The following KLHDC1 variants were observed in gnomAD, a reference collection of about 807,000 sequenced individuals.
KLHDC1 encodes the protein kelch domain containing 1.
Under a neutral mutation model 68.3 loss-of-function variants are expected in KLHDC1, and 53 were observed. The ratio of observed to expected loss-of-function variants is 0.78; its 90% CI spans 0.62 to 0.98. The LOEUF (loss-of-function observed/expected upper bound fraction) is 0.98. Ranked by LOEUF, KLHDC1 falls within the 50% of genes least tolerant of loss-of-function variation. The pLI, the probability that KLHDC1 is intolerant of heterozygous loss-of-function variation, is 0.00. For synonymous variants in KLHDC1, 148 were observed against 159.0 expected (o/e 0.93, Z 0.52); for missense variants, 470 against 492.3 (o/e 0.95, Z 0.43).
At position 49,713,811 on chromosome 14, in the gene KLHDC1, TATATATATATATATATATATATATATATA is replaced by T. The variant is rs1239174286; in HGVS notation, c.404+3431_404+3459del. Among the ~76,000 whole-genome samples the T allele has an allele frequency of 4.5e-3, 17 of 3,766 alleles. 2 individuals are homozygous for T. Among genetic ancestry groups the T allele is most frequent in the East Asian group, 0.038 (1 of 26 alleles). 2.5% of individuals were successfully genotyped at this position (3,766 alleles called of 152,430 possible). ...CTGAGGCAGGAGGTATATATATATA[TATATATATATATATATATATATATATATA>T]TATATATATATTTTTTTTTTTTTTT... On this transcript the variant is annotated intron_variant, in intron 4 of 12. Coordinates refer to ENST00000359332, the MANE Select transcript of KLHDC1 (RefSeq NM_172193.3).
At chr14:49,726,175 G>C (rs565527894) in intron 6 of KLHDC1, among the ~76,000 whole-genome samples, 1 of 152,124 alleles carries the variant, frequency 6.6e-6, no homozygotes, top group Non-Finnish European at 1.5e-5. Context: ...TTGTAATTAG[G>C]TTTGTAATCA....
chr14:49,706,423 A>G (rs960274123), intron 1 of KLHDC1, among the ~76,000 whole-genome samples: 1 of 152,174 alleles, frequency 6.6e-6, no homozygotes, highest in African/African-American at 2.4e-5. Flanking sequence ...GGTATTGTGA[A>G]CAGTGCTGCA....
intron 9 of KLHDC1, among the ~76,000 whole-genome samples, chr14:49,733,174 A>G (rs796612425): frequency 7.2e-5 from 11 of 152,300 alleles, no homozygotes; most frequent in African/African-American, 2.4e-4. Flanking sequence ...GGGGATTGGA[A>G]GAGCAGCCTT....
In KLHDC1 at chr14:49,734,676, T is replaced by G. The variant is rs759248858; in HGVS notation, c.896+15T>G. 3 of 1,423,646 alleles carry G rather than the reference T, an allele frequency of 2.1e-6. No individual in the cohort carries two copies. The highest frequency in any genetic ancestry group is 3.6e-5 in the Admixed American group (2 of 55,432). 88.2% of individuals were successfully genotyped at this position (1,423,646 alleles called of 1,614,324 possible). On this transcript the variant is annotated intron_variant, in intron 10 of 12. Transcript: ENST00000359332. ...ACAAGACCTAGGTAAGTCAAGAAATTGACAAATAGTAAAATAGTTAAGAAT... is the reference window on the plus strand; with the variant it reads ...ACAAGACCTAGGTAAGTCAAGAAATGGACAAATAGTAAAATAGTTAAGAAT...
At chr14:49,700,593 A>G (rs1887877463) in intron 1 of KLHDC1, among the ~76,000 whole-genome samples, 1 of 152,148 alleles carries the variant, frequency 6.6e-6, no homozygotes, top group Non-Finnish European at 1.5e-5. Flanking sequence ...AAAGAAACAA[A>G]TATCTGTATA....
At chr14:49,740,239 A>C in intron 11 of KLHDC1, 57 bp downstream of exon 11, 1 of 963,260 alleles carries the variant, frequency 1.0e-6, no homozygotes. Context: ...TTCACACTAA[A>C]TGGCTATTCA....
intron 4 of KLHDC1, among the ~76,000 whole-genome samples, chr14:49,722,916 G>A (rs965644490): frequency 5.9e-5 from 9 of 151,360 alleles, no homozygotes; most frequent in South Asian, 2.1e-4. Context: ...GTGAAACCCT[G>A]TCTCTACTAA....
At chr14:49,734,556 A>G in intron 9 of KLHDC1, 33 bp from the exon 10 acceptor site, 1 of 1,319,474 alleles carries the variant, frequency 7.6e-7, no homozygotes. Flanking sequence ...CCAGAGACCT[A>G]ATCTTAATTT....
In KLHDC1 at chr14:49,693,218, T is replaced by C. The variant is rs769056079; in HGVS notation, c.24T>C (p.Cys8=). The C allele has an allele frequency of 6.3e-7, 1 of 1,578,440 alleles. No homozygotes were observed. The highest frequency in any genetic ancestry group is 1.1e-5 in the South Asian group (1 of 88,656). The change falls in exon 1 of 13, where the codon TGT becomes TGC. Residue 8 remains cysteine (C), a synonymous_variant. Transcript: ENST00000359332. The stretch of plus-strand genomic sequence containing the variant: ...GAATGGCGGACTCTCAGCTGTTCTG[T>C]GTGGCGGAGGAACGCAGCGGCCACT... MADSQLF[C]VAEERSGHCA...
intron 10 of KLHDC1, 152 bp downstream of exon 10, chr14:49,734,813 A>T (rs1198768690): frequency 5.3e-6 from 2 of 374,806 alleles, no homozygotes; most frequent in Non-Finnish European, 9.6e-6. Flanking sequence ...TAATTTAATT[A>T]TTATTTTAAT....
intron 9 of KLHDC1, among the ~76,000 whole-genome samples, chr14:49,733,560 T>G (rs1888865863): frequency 6.6e-6 from 1 of 151,786 alleles, no homozygotes; most frequent in Non-Finnish European, 1.5e-5. Flanking sequence ...CCTGAGTAGC[T>G]GGGATTACAG....
In KLHDC1 at chr14:49,740,136, T is replaced by C. The variant is rs1381385721; in HGVS notation, c.935T>C (p.Ile312Thr). 3.1e-6 allele frequency: 5 copies of C among 1,612,102 alleles called. No homozygotes were observed. Among genetic ancestry groups the C allele is most frequent in the Non-Finnish European group, 4.2e-6 (5 of 1,178,528 alleles). The change falls in exon 11 of 13, where the codon ATA (isoleucine) becomes ACA (threonine). Residue 312 changes from isoleucine (I) to threonine (T), a missense_variant. Transcript: ENST00000359332. ...HTACLGKENE[I>T]MVFGGSKDDL... The stretch of plus-strand genomic sequence containing the variant: ...GCCTGTTTGGGAAAAGAAAATGAAA[T>C]AATGGTATTTGGTGGGAGCAAAGAT...
intron 4 of KLHDC1, among the ~76,000 whole-genome samples, chr14:49,714,301 G>A (rs1015104606): frequency 2.0e-5 from 3 of 151,102 alleles, no homozygotes; most frequent in Non-Finnish European, 2.9e-5. Flanking sequence ...GTGAAACCCT[G>A]TCTCTACTAA....
rs569168531 is a variant in KLHDC1 at position 49,712,688 on chromosome 14, A to G, written c.404+2307A>G. 2.6e-5 allele frequency among the ~76,000 whole-genome samples: 4 copies of G among 151,620 alleles called. No individual in the cohort carries two copies. The South Asian group carries it at 8.4e-4, about 32-fold the overall frequency. On this transcript the variant is annotated intron_variant, in intron 4 of 12. Coordinates refer to ENST00000359332, the MANE Select transcript of KLHDC1 (RefSeq NM_172193.3). ...GGCTAGTTCTTTTTGTATCTTTAGTAGAGACGAGGTTTCACTATATTGGCC... is the reference window on the plus strand; with the variant it reads ...GGCTAGTTCTTTTTGTATCTTTAGTGGAGACGAGGTTTCACTATATTGGCC...
intron 4 of KLHDC1, among the ~76,000 whole-genome samples, chr14:49,718,584 T>G (rs1888438081): frequency 6.6e-6 from 1 of 152,046 alleles, no homozygotes; most frequent in South Asian, 2.1e-4. Context: ...CCTAGCATAG[T>G]ATTCTTTTGT....
At chr14:49,695,698 T>C (rs901293893) in intron 1 of KLHDC1, among the ~76,000 whole-genome samples, 3 of 152,210 alleles carry the variant, frequency 2.0e-5, no homozygotes, top group Admixed American at 1.3e-4. Context: ...AAATTGGACA[T>C]TGACTTCTCT....
chr14:49,721,026 G>A (rs1888511668), intron 4 of KLHDC1, among the ~76,000 whole-genome samples: 2 of 151,718 alleles, frequency 1.3e-5, no homozygotes, highest in Non-Finnish European at 2.9e-5. Context: ...CCTGCATGTT[G>A]TCCACATCTT....
chr14:49,697,128 G>T (rs898777651), intron 1 of KLHDC1, among the ~76,000 whole-genome samples: 1 of 152,028 alleles, frequency 6.6e-6, no homozygotes, highest in African/African-American at 2.4e-5. Context: ...AATAGAGATG[G>T]GGTTTCACCG....
chr14:49,707,059 A>G (rs971087800), intron 1 of KLHDC1, among the ~76,000 whole-genome samples: 1 of 152,154 alleles, frequency 6.6e-6, no homozygotes, highest in African/African-American at 2.4e-5. Context: ...ATTTTTGCCC[A>G]GACCAATGTC....
Sources: gnomAD v4.1 joint callset for allele counts (sites outside exome capture counted in the v4.1 genomes callset) on GRCh38, gnomAD v4.1.1 for gene constraint, MANE v1.5 for transcripts, NCBI Gene and HGNC (gene_info 2026-07-23, HGNC 2026-07-21) for gene names.